Variants in SOHLH1 observed in about 807,000 individuals in gnomAD.
SOHLH1 encodes spermatogenesis and oogenesis specific basic helix-loop-helix 1.
SOHLH1 carries 23 observed loss-of-function variants against 36.2 expected under a neutral mutation model. The observed-to-expected ratio is 0.64, with a 90% CI of 0.46 to 0.90. SOHLH1 has a LOEUF of 0.90. Ranked by LOEUF, SOHLH1 falls within the 40% of genes least tolerant of loss-of-function variation. The pLI is 0.00. For missense variants in SOHLH1, 608 were observed against 517.0 expected, an observed-to-expected ratio of 1.18 and a Z score of -1.71; for synonymous variants, 289 against 228.3, an observed-to-expected ratio of 1.27 and a Z score of -2.40.
chr9:135,694,323 A>G, intron 7 of SOHLH1, 64 bp downstream of exon 7: 1 of 1,610,486 alleles, frequency 6.2e-7, no homozygotes, highest in South Asian at 1.1e-5. Context: ...CTGAGTCCCA[A>G]TTCCCCAGCT....
chr9:135,696,577 G>A, intron 5 of SOHLH1, 35 bp downstream of exon 5: 1 of 1,609,270 alleles, frequency 6.2e-7, no homozygotes, highest in Non-Finnish European at 8.5e-7. Context: ...CGCTCCCCAG[G>A]CCAAAGGCAC....
At position 135,693,600 on chromosome 9, in the gene SOHLH1, G is replaced by C. The variant is rs1224990970; in HGVS notation, c.1161C>G (p.Cys387Trp). 4.5e-6 allele frequency: 7 copies of C among 1,567,060 alleles called. No homozygotes were observed. The Admixed American group carries it at 9.2e-5, about 21-fold the overall frequency. Residue 387 changes from cysteine to tryptophan, a missense_variant, in exon 8 of 8, where the codon TGC becomes TGG. Coordinates refer to ENST00000425225, the MANE Select transcript of SOHLH1 (RefSeq NM_001101677.2). ...CCTCCTCTCCACAGCCTGGCTGCTA[G>C]CAGGCAAAGAAGTCAGGGAAGATGC... Reference protein sequence around the residue: ...VESIFPDFFAC With the variant: ...VESIFPDFFAW
intron 1 of SOHLH1, 64 bp from the exon 2 acceptor site, chr9:135,699,190 A>G (rs1834936434): frequency 3.9e-6 from 6 of 1,548,802 alleles, no homozygotes; most frequent in Non-Finnish European, 3.5e-6. Context: ...GGAGTCCCAG[A>G]TGCCAGAATG....
At position 135,696,624 on chromosome 9, in the gene SOHLH1, G is replaced by A. The variant is rs757320747; in HGVS notation, c.649C>T (p.Pro217Ser). The change falls in exon 5 of 8, where the codon CCC becomes TCC. Residue 217 changes from proline (P) to serine (S), a missense_variant. Coordinates refer to ENST00000425225, the MANE Select transcript of SOHLH1 (RefSeq NM_001101677.2). ...LGLCQVRGGL[P>S]PFSEPSSLVP... ...ACCCAGGACTCACCTGAGAAAGGGG[G>A]CAGCCCACCCCGCACCTGGCACAGC... The A allele has an allele frequency of 3.1e-6, 5 of 1,612,352 alleles. No homozygotes were observed. Among genetic ancestry groups the A allele is most frequent in the African/African-American group, 1.3e-5 (1 of 75,008 alleles).
chr9:135,698,377 C>T lies in SOHLH1; in HGVS notation c.297G>A (p.Gln99=), dbSNP rs1404362898. 1 of 1,613,030 alleles carries T rather than the reference C, an allele frequency of 6.2e-7. No homozygotes were observed. The change falls in exon 3 of 8, where the codon CAG becomes CAA. Residue 99 remains glutamine (Q), a synonymous_variant. Coordinates refer to ENST00000425225, the MANE Select transcript of SOHLH1 (RefSeq NM_001101677.2). ...DMASVLEMSV[Q]FLRLASALGP... Reference sequence around the variant, plus strand: ...CCAGGGCGCTGGCAAGCCGCAGGAACTGCACAGACATCTCCAGGACCGAGG... The same window carrying T: ...CCAGGGCGCTGGCAAGCCGCAGGAATTGCACAGACATCTCCAGGACCGAGG...
At position 135,693,603 on chromosome 9, in the gene SOHLH1, G is replaced by A. The variant is rs760286041; in HGVS notation, c.1158C>T (p.Ala386=). ...EVESIFPDFF[A]C is the part of the protein sequence containing the mutation. ...CCTCTCCACAGCCTGGCTGCTAGCA[G>A]GCAAAGAAGTCAGGGAAGATGCTCT... Residue 386 remains alanine (A), a synonymous_variant, in exon 8 of 8, where the codon GCC becomes GCT. Coordinates refer to ENST00000425225, the MANE Select transcript of SOHLH1 (RefSeq NM_001101677.2). 4.8e-5 allele frequency: 75 copies of A among 1,570,240 alleles called. No homozygotes were observed. Among genetic ancestry groups the A allele is most frequent in the East Asian group, 4.5e-4 (19 of 42,206 alleles).
At chr9:135,699,995 C>T (rs73667684), upstream of SOHLH1, among the ~76,000 whole-genome samples, 2,034 of 152,198 alleles carry the variant, frequency 0.013, 48 homozygotes, top group African/African-American at 0.045. Context: ...ATCTAGTACG[C>T]TTGCAGACGC....
upstream of SOHLH1, chr9:135,699,578 AC>A (rs1240694392): frequency 9.6e-7 from 1 of 1,046,334 alleles, no homozygotes; most frequent in Non-Finnish European, 1.3e-6. Flanking sequence ...AGCCCACCCC[AC>A]CCCCACTTGC....
intron 3 of SOHLH1, among the ~76,000 whole-genome samples, chr9:135,698,092 C>G (rs1834880240): frequency 6.6e-6 from 1 of 152,150 alleles, no homozygotes; most frequent in African/African-American, 2.4e-5. Flanking sequence ...ATGAACAGGA[C>G]TCAGGGGCAC....
intron 5 of SOHLH1, 84 bp from the exon 6 acceptor site, chr9:135,695,347 G>T: frequency 7.6e-7 from 1 of 1,321,214 alleles, no homozygotes; most frequent in Non-Finnish European, 1.1e-6. Flanking sequence ...CACGGGCTCG[G>T]TCCACTCACA....
chr9:135,694,799 A>T (rs1474206883), intron 6 of SOHLH1, among the ~76,000 whole-genome samples: 1 of 148,702 alleles, frequency 6.7e-6, no homozygotes, highest in Non-Finnish European at 1.5e-5. Flanking sequence ...TTTTACTATC[A>T]GCCAAAACAA....
At chr9:135,701,994 T>G (rs1008156312), upstream of SOHLH1, among the ~76,000 whole-genome samples, 7 of 151,988 alleles carry the variant, frequency 4.6e-5, no homozygotes, top group South Asian at 1.2e-3. Flanking sequence ...TTTTCGGAGT[T>G]TTGAGGGCTC....
At chr9:135,697,722 G>C in intron 3 of SOHLH1, 95 bp from the exon 4 acceptor site, 1 of 1,463,400 alleles carries the variant, frequency 6.8e-7, no homozygotes, top group Non-Finnish European at 9.3e-7. Flanking sequence ...GGCCTGGAGG[G>C]TCACTGTGAG....
rs2131293656 is a variant in SOHLH1 at position 135,697,500 on chromosome 9, A to G, written c.467+6T>C. The G allele has an allele frequency of 4.4e-6, 7 of 1,608,978 alleles. No homozygotes were observed. The highest frequency in any genetic ancestry group is 5.1e-6 in the Non-Finnish European group (6 of 1,178,852). On this transcript the variant is annotated splice_donor_region_variant and intron_variant, in intron 4 of 7. Transcript: ENST00000425225. ...CCCTGGAGAGCGGGCCCCAGGAGAC[A>G]CTAACCGAGTCCCGCTGGACGCTCC...
In SOHLH1 at chr9:135,697,505, C is replaced by T. The variant is rs1242656041; in HGVS notation, c.467+1G>A. 2 of 1,609,774 alleles carry T rather than the reference C, an allele frequency of 1.2e-6. No individual in the cohort carries two copies. The highest frequency in any genetic ancestry group is 1.3e-5 in the African/African-American group (1 of 74,904). ...GAGAGCGGGCCCCAGGAGACACTAA[C>T]CGAGTCCCGCTGGACGCTCCCGTCC... On this transcript the variant is annotated splice_donor_variant, in intron 4 of 7. Transcript: ENST00000425225. LOFTEE classifies it high-confidence loss of function.
rs1564298901 is a variant in SOHLH1, at chr9:135,696,725, A to G, written c.548T>C (p.Ile183Thr). Residue 183 changes from isoleucine (I) to threonine (T), a missense_variant, in exon 5 of 8, where the codon ATC becomes ACC. Transcript: ENST00000425225. ...ASASPEPVPH[I>T]LASSRQWDPA... The stretch of plus-strand genomic sequence containing the variant: ...GTCCCACTGCCTGGAGGACGCAAGG[A>G]TGTGCGGCACGGGCTCTGGGCTGGC... 5.0e-6 allele frequency: 8 copies of G among 1,613,020 alleles called. No individual in the cohort carries two copies. Among genetic ancestry groups the G allele is most frequent in the Non-Finnish European group, 6.8e-6 (8 of 1,179,990 alleles).
At chr9:135,701,995 T>G (rs946953356), upstream of SOHLH1, among the ~76,000 whole-genome samples, 1 of 151,902 alleles carries the variant, frequency 6.6e-6, no homozygotes, top group East Asian at 1.9e-4. Flanking sequence ...TTTCGGAGTT[T>G]TGAGGGCTCA....
In SOHLH1 at chr9:135,695,270, G is replaced by C. The variant is rs1000405099; in HGVS notation, c.662-7C>G. On this transcript the variant is annotated splice_polypyrimidine_tract_variant and splice_region_variant and intron_variant, in intron 5 of 7. Coordinates refer to ENST00000425225, the MANE Select transcript of SOHLH1 (RefSeq NM_001101677.2). ...GGCACCAGGCTGGAAGGTTCTGGGA[G>C]AGAAGTCAGATGCGGGTCAGCCTTC... 3 of 1,586,846 alleles carry C rather than the reference G, an allele frequency of 1.9e-6. No homozygotes were observed. The highest frequency in any genetic ancestry group is 1.7e-6 in the Non-Finnish European group (2 of 1,168,520).
rs1229653356 is a variant in SOHLH1, at chr9:135,693,989, G to A, written c.947-175C>T. 29 of 1,429,254 alleles carry A rather than the reference G, an allele frequency of 2.0e-5. No individual in the cohort carries two copies. In the Admixed American group the frequency reaches 4.3e-4, roughly 21 times the overall value. 88.5% of individuals were successfully genotyped at this position (1,429,254 alleles called of 1,614,324 possible). A position where few individuals can be genotyped will look rare whatever the true frequency, so the allele number is the denominator to read the frequency against. On this transcript the variant is annotated intron_variant, in intron 7 of 7. Coordinates refer to ENST00000425225, the MANE Select transcript of SOHLH1 (RefSeq NM_001101677.2). Reference sequence around the variant, plus strand: ...TCATACCTGGTGGCCCCAGACCCAGGACACCTGTTGGACCAGAACCAGGAA... The same window carrying A: ...TCATACCTGGTGGCCCCAGACCCAGAACACCTGTTGGACCAGAACCAGGAA...
Sources: gnomAD v4.1 joint callset for allele counts (sites outside exome capture counted in the v4.1 genomes callset) on GRCh38, gnomAD v4.1.1 for gene constraint, MANE v1.5 for transcripts, NCBI Gene and HGNC (gene_info 2026-07-23, HGNC 2026-07-21) for gene names.